ACSL6: variants seen among roughly 807,000 people sequenced by gnomAD.
The protein encoded by ACSL6 is long-chain-fatty-acid--CoA ligase 6.
In ACSL6, 47 loss-of-function variants were observed where a neutral mutation model predicts 98.2. The ratio of observed to expected loss-of-function variants is 0.48; its 90% CI spans 0.38 to 0.61. ACSL6 has a LOEUF of 0.61. Among genes scored for constraint, ACSL6 ranks in the 20% least tolerant of loss-of-function variants. ACSL6 has a pLI of 0.00. For missense variants in ACSL6, 761 were observed against 913.4 expected (o/e 0.83, Z 2.15); for synonymous variants, 362 against 336.9 (o/e 1.07, Z -0.82).
At chr5:131,964,203 T>C (rs1469590720) in intron 17 of ACSL6, among the ~76,000 whole-genome samples, 1 of 152,198 alleles carries the variant, frequency 6.6e-6, no homozygotes, top group Admixed American at 6.5e-5. Flanking sequence ...AATAGGGTTG[T>C]ATATAAAAGG....
intron 9 of ACSL6, among the ~76,000 whole-genome samples, chr5:131,977,040 A>G (rs970586217): frequency 1.3e-5 from 2 of 152,238 alleles, no homozygotes; most frequent in Non-Finnish European, 2.9e-5. Context: ...CTTCAGGAGC[A>G]GAGGCTGTCA....
chr5:131,966,536 T>C lies in ACSL6; in HGVS notation c.1597-4A>G. On this transcript the variant is annotated splice_polypyrimidine_tract_variant and splice_region_variant and intron_variant, in intron 16 of 20. Transcript: ENST00000651883. ...CATTTGGTCCTCTCACACATATCTA[T>C]GGGACAAAAACCATGGCTTCTCTCA... 3 of 1,613,402 alleles carry C rather than the reference T, an allele frequency of 1.9e-6. No homozygotes were observed. The highest frequency in any genetic ancestry group is 2.2e-5 in the East Asian group (1 of 44,886).
intron 20 of ACSL6, among the ~76,000 whole-genome samples, chr5:131,956,650 G>C (rs1170401910): frequency 6.6e-6 from 1 of 152,182 alleles, no homozygotes; most frequent in African/African-American, 2.4e-5. Context: ...GAGTCAGCCA[G>C]TTGTTTAACT....
In ACSL6 at chr5:131,973,401, C is replaced by A; in HGVS notation, c.1069-1G>T. On this transcript the variant is annotated splice_acceptor_variant, in intron 11 of 20. Coordinates refer to ENST00000651883, the MANE Select transcript of ACSL6 (RefSeq NM_001009185.3). LOFTEE classifies it high-confidence loss of function. Reference sequence around the variant, plus strand: ...GCCCTCCGTGGCAATAGACGACAGACTAGAAAGACAGGACAGGAAGGGAGG... The same window carrying A: ...GCCCTCCGTGGCAATAGACGACAGAATAGAAAGACAGGACAGGAAGGGAGG... The A allele has an allele frequency of 6.2e-7, 1 of 1,613,880 alleles. No homozygotes were observed. The highest frequency in any genetic ancestry group is 1.1e-5 in the South Asian group (1 of 91,056).
At position 131,985,045 on chromosome 5, in the gene ACSL6, A is replaced by G. The variant is rs149966276; in HGVS notation, c.916+362T>C. 9.5e-4 allele frequency: 274 copies of G among 287,012 alleles called. 2 individuals carry two copies. Among genetic ancestry groups the G allele is most frequent in the African/African-American group, 5.5e-3 (256 of 46,714 alleles). The allele number at this position is 287,012 out of a possible 1,614,324, so 17.8% of individuals were successfully genotyped here. The stretch of plus-strand genomic sequence containing the variant: ...CCTCACACTCTTTCCCCAGTCTCCA[A>G]CACAAAGGCCAGGCAGGGGCAGAAA... On this transcript the variant is annotated intron_variant, in intron 9 of 20. Coordinates refer to ENST00000651883, the MANE Select transcript of ACSL6 (RefSeq NM_001009185.3).
At chr5:131,991,197 G>C (rs954250127) in intron 2 of ACSL6, among the ~76,000 whole-genome samples, 1 of 152,188 alleles carries the variant, frequency 6.6e-6, no homozygotes, top group Non-Finnish European at 1.5e-5. Flanking sequence ...TAAAGGCCGG[G>C]TATACCAGTG....
At chr5:131,988,537 G>T (rs753063213) in intron 6 of ACSL6, 3 of 1,591,584 alleles carry the variant, frequency 1.9e-6, no homozygotes, top group Non-Finnish European at 2.6e-6. Context: ...AAGCTGTCAT[G>T]AACTTCAGAG....
chr5:131,994,059 T>G lies in ACSL6; in HGVS notation c.242A>C (p.Asn81Thr). 6.2e-7 allele frequency: 1 copy of G among 1,613,922 alleles called. No homozygotes were observed. Among genetic ancestry groups the G allele is most frequent in the Non-Finnish European group, 8.5e-7 (1 of 1,180,032 alleles). The stretch of plus-strand genomic sequence containing the variant: ...TACTTCTTCTGACTGCATCAGGAGG[T>G]TGCATGGCGGCTGCAAGGCCTTTGG... ...HRPKALQPPC[N>T]LLMQSEEVED... Residue 81 changes from asparagine (N) to threonine (T), a missense_variant, in exon 2 of 21, where the codon AAC becomes ACC. By Grantham distance (65) the Asn-to-Thr change is moderately conservative. Coordinates refer to ENST00000651883, the MANE Select transcript of ACSL6 (RefSeq NM_001009185.3).
chr5:131,984,516 A>G (rs1473707987), intron 9 of ACSL6: 1 of 152,316 alleles, frequency 6.6e-6, no homozygotes, highest in Non-Finnish European at 1.5e-5. Flanking sequence ...GAATTATGAC[A>G]GCAGGGCACA....
chr5:131,959,837 C>A lies in ACSL6; in HGVS notation c.1960-230G>T, dbSNP rs1752604975. The A allele has an allele frequency of 5.5e-6, 3 of 550,390 alleles. No homozygotes were observed. In the South Asian group the frequency reaches 7.0e-5, roughly 13 times the overall value. The allele number at this position is 550,390 out of a possible 1,614,324, so 34.1% of individuals were successfully genotyped here. A position where few individuals can be genotyped will look rare whatever the true frequency, so the allele number is the denominator to read the frequency against. ...AGTGACCATGAATGGGCTAAGGGACCACTCAATTTTTTTTTAAAGCAGGCT... is the reference window on the plus strand; with the variant it reads ...AGTGACCATGAATGGGCTAAGGGACAACTCAATTTTTTTTTAAAGCAGGCT... On this transcript the variant is annotated intron_variant, in intron 19 of 20. Transcript: ENST00000651883.
In ACSL6 at chr5:131,990,903, T is replaced by C. The variant is rs1754471466; in HGVS notation, c.335A>G (p.Asp112Gly). ...SGPQLLTHYY[D>G]DARTMYQVFR... Reference sequence around the variant, plus strand: ...CACCTGGTACATGGTCCGGGCATCATCATAGTAGTGGGTAAGTAGCTGAGG... The same window carrying C: ...CACCTGGTACATGGTCCGGGCATCACCATAGTAGTGGGTAAGTAGCTGAGG... The change falls in exon 3 of 21, where the codon GAT becomes GGT. Residue 112 changes from aspartate (D) to glycine (G), a missense_variant. Asp to Gly is a moderately conservative substitution (Grantham distance 94). Coordinates refer to ENST00000651883, the MANE Select transcript of ACSL6 (RefSeq NM_001009185.3). The C allele has an allele frequency of 1.2e-6, 2 of 1,613,598 alleles. No homozygotes were observed. Among genetic ancestry groups the C allele is most frequent in the Non-Finnish European group, 1.7e-6 (2 of 1,179,956 alleles).
chr5:131,992,491 G>C (rs139724856), intron 2 of ACSL6, among the ~76,000 whole-genome samples: 10 of 152,254 alleles, frequency 6.6e-5, no homozygotes, highest in African/African-American at 2.4e-4. Flanking sequence ...TGGGGGATGA[G>C]GCAAGGGAGG....
chr5:131,989,578 GA>G, intron 4 of ACSL6, 70 bp from the exon 5 acceptor site: 1 of 594,472 alleles, frequency 1.7e-6, no homozygotes, highest in Non-Finnish European at 2.9e-6. Flanking sequence ...TCCCCAGGAG[GA>G]ATTCTTTTTT....
chr5:131,975,454 G>A, intron 10 of ACSL6: 1 of 985,438 alleles, frequency 1.0e-6, no homozygotes, highest in Non-Finnish European at 1.2e-6. Flanking sequence ...GATTCAGAAG[G>A]TCTTGGCTAG....
intron 2 of ACSL6, among the ~76,000 whole-genome samples, chr5:131,992,123 G>A (rs1048489527): frequency 6.6e-6 from 1 of 152,208 alleles, no homozygotes; most frequent in African/African-American, 2.4e-5. Flanking sequence ...GAGTGAGGAG[G>A]AGGGAATAGC....
chr5:131,961,455 G>A (rs1752701712), intron 18 of ACSL6, among the ~76,000 whole-genome samples: 1 of 152,032 alleles, frequency 6.6e-6, no homozygotes, highest in Non-Finnish European at 1.5e-5. Context: ...CACTTTGGGA[G>A]GCTGAGGCAG....
intron 12 of ACSL6, 44 bp downstream of exon 12, chr5:131,973,222 T>G (rs746716568): frequency 5.5e-5 from 88 of 1,596,440 alleles, no homozygotes; most frequent in Admixed American, 2.0e-4. Context: ...AACAAGCAAA[T>G]ATGCAGCCCC....
At chr5:131,965,590 C>A (rs571233551) in intron 17 of ACSL6, among the ~76,000 whole-genome samples, 7 of 152,076 alleles carry the variant, frequency 4.6e-5, no homozygotes, top group Admixed American at 1.3e-4. Context: ...GATGGGATGG[C>A]GGGCACCTGT....
chr5:131,954,426 G>T (rs940337838), intron 20 of ACSL6, 55 bp from the exon 21 acceptor site: 1 of 1,534,400 alleles, frequency 6.5e-7, no homozygotes. Context: ...AGTATTTATA[G>T]TATACATGGT....
Sources: gnomAD v4.1 joint callset for allele counts (sites outside exome capture counted in the v4.1 genomes callset) on GRCh38, gnomAD v4.1.1 for gene constraint, MANE v1.5 for transcripts, NCBI Gene and HGNC (gene_info 2026-07-23, HGNC 2026-07-21) for gene names.